KANK2: variants seen among roughly 807,000 people sequenced by gnomAD.
KANK2 encodes the protein KN motif and ankyrin repeat domain-containing protein 2.
Under a neutral mutation model 74.6 loss-of-function variants are expected in KANK2, and 41 were observed. The observed-to-expected ratio is 0.55, with a 90% CI of 0.43 to 0.71. The LOEUF is 0.71. KANK2 is among the 30% of genes least tolerant of loss of function. The pLI is 0.00. For missense variants in KANK2, 1,148 were observed against 1,196.4 expected, an observed-to-expected ratio of 0.96 and a Z score of 0.60; for synonymous variants, 537 against 519.0, an observed-to-expected ratio of 1.03 and a Z score of -0.47.
intron 10 of KANK2, among the ~76,000 whole-genome samples, chr19:11,172,578 C>G (rs181662775): frequency 3.4e-4 from 52 of 152,310 alleles, no homozygotes; most frequent in African/African-American, 1.2e-3. Flanking sequence ...ACGCCACTTC[C>G]CTGCCTAAAT....
intron 4 of KANK2, among the ~76,000 whole-genome samples, chr19:11,178,938 A>G (rs2078431825): frequency 6.6e-6 from 1 of 152,174 alleles, no homozygotes; most frequent in South Asian, 2.1e-4. Flanking sequence ...GGCAGAATCC[A>G]GTTTGGTGCC....
At position 11,165,365 on chromosome 19, in the gene KANK2, T is replaced by C. The variant is rs534114673; in HGVS notation, c.*1193A>G. On this transcript the variant is annotated 3_prime_UTR_variant, in exon 13 of 13. Coordinates refer to ENST00000586659, the MANE Select transcript of KANK2 (RefSeq NM_001136191.3). ...CCAACAAGCGCATGCCCTGTTTTCT[T>C]TCCTTTGAGGAGAGAAATTCTGGAG... is the stretch of plus-strand genomic sequence containing the variant. The C allele has an allele frequency of 1.3e-5, 2 of 152,278 alleles. No individual in the cohort carries two copies. The highest frequency in any genetic ancestry group is 3.9e-4 in the East Asian group (2 of 5,184). The allele number at this position is 152,278 out of a possible 1,614,324, so 9.4% of individuals were successfully genotyped here. A position where few individuals can be genotyped will look rare whatever the true frequency, so the allele number is the denominator to read the frequency against.
At chr19:11,186,117 G>A (rs1188959608) in intron 4 of KANK2, among the ~76,000 whole-genome samples, 1 of 152,202 alleles carries the variant, frequency 6.6e-6, no homozygotes, top group South Asian at 2.1e-4. Context: ...GCCGGGCGTG[G>A]TAGCTCACAC....
At chr19:11,172,680 G>C (rs1460301648) in intron 10 of KANK2, among the ~76,000 whole-genome samples, 1 of 152,202 alleles carries the variant, frequency 6.6e-6, no homozygotes, top group Non-Finnish European at 1.5e-5. Context: ...GGGCTAGTGA[G>C]CTTCAGGAGA....
At chr19:11,179,912 G>A (rs2078463463) in intron 4 of KANK2, among the ~76,000 whole-genome samples, 1 of 152,220 alleles carries the variant, frequency 6.6e-6, no homozygotes, top group East Asian at 1.9e-4. Context: ...TGAAGCTTGA[G>A]TGCAGAGATG....
rs775855203 is a variant in KANK2 at position 11,170,229 on chromosome 19, A to G, written c.2231T>C (p.Met744Thr). ...CACCCGCCCGTGGCTGACGGCCAGC[A>G]TCAGGGCCGTCTGTCCTGCCTGGGG... is the stretch of plus-strand genomic sequence containing the variant. ...KASQAGQTAL[M>T]LAVSHGRVDV... The change falls in exon 11 of 13, where the codon ATG (methionine) becomes ACG (threonine). Residue 744 changes from methionine (M) to threonine (T), a missense_variant. Transcript: ENST00000586659. The surrounding 1 kb of genome is among the most constrained non-coding windows in gnomAD (Gnocchi z 5.2). 5.6e-6 allele frequency: 9 copies of G among 1,610,316 alleles called. No homozygotes were observed. In the South Asian group the frequency reaches 9.9e-5, roughly 18 times the overall value.
chr19:11,182,556 CAAAAA>C (rs2078555987), intron 4 of KANK2, among the ~76,000 whole-genome samples: 4 of 132,960 alleles, frequency 3.0e-5, no homozygotes, highest in Admixed American at 7.9e-5. Context: ...CAAAACAAAA[CAAAAA>C]AGCCAGGCGC....
At chr19:11,166,717 G>A (rs2078032130) in intron 12 of KANK2, 106 bp from the exon 13 acceptor site, 1 of 1,048,810 alleles carries the variant, frequency 9.5e-7, no homozygotes, top group African/African-American at 1.6e-5. Flanking sequence ...CAGGAGGGAG[G>A]CGTGGCCCCT....
chr19:11,172,465 C>G (rs1008107385), intron 10 of KANK2, among the ~76,000 whole-genome samples: 1 of 152,174 alleles, frequency 6.6e-6, no homozygotes, highest in East Asian at 1.9e-4. Context: ...CTTCCCTGCT[C>G]TTTTGCCCAG....
rs780523717 is a variant in KANK2 at position 11,192,924 on chromosome 19, C to G, written c.1156G>C (p.Glu386Gln). Residue 386 changes from glutamate to glutamine, a missense_variant, in exon 4 of 13, where the codon GAG (glutamate) becomes CAG (glutamine). Transcript: ENST00000586659. ...PPVFRSQEVV[E>Q]TMCPVPAAAT... ...GCAGCGGGCACTGGGCACATTGTCTCCACCACCTCCTGGCTGCGGAACACA... is the reference window on the plus strand; with the variant it reads ...GCAGCGGGCACTGGGCACATTGTCTGCACCACCTCCTGGCTGCGGAACACA... 2.5e-6 allele frequency: 4 copies of G among 1,614,084 alleles called. No homozygotes were observed. The highest frequency in any genetic ancestry group is 1.3e-5 in the African/African-American group (1 of 74,950).
At chr19:11,167,517 C>T (rs187335667) in intron 12 of KANK2, among the ~76,000 whole-genome samples, 1 of 151,798 alleles carries the variant, frequency 6.6e-6, no homozygotes, top group Admixed American at 6.6e-5. Context: ...GCATGCACCA[C>T]CAGGCCCAGC....
At chr19:11,171,316 G>A (rs930720772) in intron 10 of KANK2, among the ~76,000 whole-genome samples, 2 of 151,968 alleles carry the variant, frequency 1.3e-5, no homozygotes, top group African/African-American at 4.8e-5. Flanking sequence ...GCATGGTGCC[G>A]CACGCTTGCA....
chr19:11,172,536 C>T (rs1356861331), intron 10 of KANK2, among the ~76,000 whole-genome samples: 1 of 152,122 alleles, frequency 6.6e-6, no homozygotes, highest in East Asian at 1.9e-4. Flanking sequence ...CAACACACAG[C>T]TGAAGGGAGC....
upstream of KANK2, chr19:11,197,661 G>GT (rs1198507320): frequency 6.6e-6 from 1 of 151,802 alleles, no homozygotes; most frequent in East Asian, 1.9e-4. Context: ...CCCGGCCGCG[G>GT]TGGGGGGTGG....
rs1341011691 is a variant in KANK2, at chr19:11,194,552, C to G, written c.-41G>C. ...TGCTCCTTGGAAGTCACTTGAGGGACTGCGAGTCAGACTGCCTGCAGCACC... is the reference window on the plus strand; with the variant it reads ...TGCTCCTTGGAAGTCACTTGAGGGAGTGCGAGTCAGACTGCCTGCAGCACC... On this transcript the variant is annotated 5_prime_UTR_variant, in exon 3 of 13. Transcript: ENST00000586659. 2.6e-6 allele frequency: 4 copies of G among 1,568,398 alleles called. No homozygotes were observed. Among genetic ancestry groups the G allele is most frequent in the Non-Finnish European group, 3.5e-6 (4 of 1,139,578 alleles).
chr19:11,178,596 G>T lies in KANK2; in HGVS notation c.1374C>A (p.Thr458=). 6.2e-7 allele frequency: 1 copy of T among 1,604,192 alleles called. No individual in the cohort carries two copies. Among genetic ancestry groups the T allele is most frequent in the Non-Finnish European group, 8.5e-7 (1 of 1,176,048 alleles). ...CGGACTCTTGGGAGGCTGCTTGCCT[G>T]GTGGGCTCCCTGTGGGTGGGCTCCT... The part of the protein sequence containing the change: ...PTQEPTHREP[T]RQAASQESEE... Residue 458 remains threonine (T), a synonymous_variant, in exon 5 of 13, where the codon ACC becomes ACA. Transcript: ENST00000586659.
At chr19:11,168,012 T>G (rs953474237) in intron 12 of KANK2, among the ~76,000 whole-genome samples, 4 of 140,638 alleles carry the variant, frequency 2.8e-5, no homozygotes, top group Non-Finnish European at 5.9e-5. Flanking sequence ...CTTGTTTTTT[T>G]TTTTTTTTTT....
Position 11,173,028 on chromosome 19 carries a change from C to G in KANK2, c.2164G>C (p.Val722Leu). 2 of 1,614,090 alleles carry G rather than the reference C, an allele frequency of 1.2e-6. No individual in the cohort carries two copies. Among genetic ancestry groups the G allele is most frequent in the Non-Finnish European group, 1.7e-6 (2 of 1,180,006 alleles). ...TLKTQDDIET[V>L]LQLFRLGNIN... ...TTGCCAAGCCGGAAGAGCTGAAGGA[C>G]AGTCTCGATGTCGTCCTGGGTCTTC... Residue 722 changes from valine (V) to leucine (L), a missense_variant, in exon 10 of 13, where the codon GTC becomes CTC. Physicochemically the swap from Val to Leu is conservative, Grantham distance 32. Coordinates refer to ENST00000586659, the MANE Select transcript of KANK2 (RefSeq NM_001136191.3).
chr19:11,164,906 C>A lies in KANK2; in HGVS notation c.*1652G>T, dbSNP rs111870962. On this transcript the variant is annotated 3_prime_UTR_variant, in exon 13 of 13. Coordinates refer to ENST00000586659, the MANE Select transcript of KANK2 (RefSeq NM_001136191.3). ...TGCTTTGCCTTCTTTAATGAACCTGCGAGCTCTCAGCGCTTTCTCTTGCTG... is the reference window on the plus strand; with the variant it reads ...TGCTTTGCCTTCTTTAATGAACCTGAGAGCTCTCAGCGCTTTCTCTTGCTG... The A allele has an allele frequency of 6.6e-6, 1 of 152,120 alleles. No individual in the cohort carries two copies. Among genetic ancestry groups the A allele is most frequent in the Admixed American group, 6.6e-5 (1 of 15,236 alleles). 9.4% of individuals were successfully genotyped at this position (152,120 alleles called of 1,614,324 possible).
Sources: allele counts gnomAD v4.1 joint callset (sites outside exome capture counted in the v4.1 genomes callset), GRCh38; gene constraint gnomAD v4.1.1; non-coding constraint Gnocchi (gnomAD v3.1); transcripts MANE v1.5; gene names NCBI Gene and HGNC (gene_info 2026-07-23, HGNC 2026-07-21).